DTD1: variants seen among roughly 807,000 people sequenced by gnomAD.
The protein encoded by DTD1 is D-aminoacyl-tRNA deacylase 1, also known as D-tyrosyl-tRNA deacylase 1 homolog.
DTD1 carries 13 observed loss-of-function variants against 25.6 expected under a neutral mutation model. The ratio of observed to expected loss-of-function variants is 0.51; its 90% CI spans 0.33 to 0.81. DTD1 has a LOEUF of 0.81. DTD1 is among the 30% of genes least tolerant of loss of function. The pLI is 0.02. For synonymous variants in DTD1, 110 were observed against 103.6 expected (o/e 1.06, Z -0.37); for missense variants, 193 against 266.4 (o/e 0.72, Z 1.92).
At chr20:18,593,214 G>A (rs979543412) in intron 1 of DTD1, among the ~76,000 whole-genome samples, 3 of 152,038 alleles carry the variant, frequency 2.0e-5, no homozygotes, top group Non-Finnish European at 2.9e-5. Context: ...TACATAAATT[G>A]TGATTTTTAT....
chr20:18,648,420 T>A (rs1167514959), intron 4 of DTD1, among the ~76,000 whole-genome samples: 1 of 152,182 alleles, frequency 6.6e-6, no homozygotes, highest in African/African-American at 2.4e-5. Context: ...ATCTGGGATG[T>A]ACAGCGAGGG....
rs138152084 is a variant in DTD1, at chr20:18,749,329, C to T, written c.*19+5058C>T. Reference sequence around the variant, plus strand: ...GGCCTGTGAGAGTGCTGCTCAGCATCGCCGTGGGGTGGGGAAGGCTCCAGA... The same window carrying T: ...GGCCTGTGAGAGTGCTGCTCAGCATTGCCGTGGGGTGGGGAAGGCTCCAGA... On this transcript the variant is annotated intron_variant, in intron 5 of 5. Coordinates refer to ENST00000377452, the MANE Select transcript of DTD1 (RefSeq NM_080820.6). This position sits in a 1 kb window ranked among gnomAD's most constrained non-coding sequence, Gnocchi z 4.2. 0.019 allele frequency among the ~76,000 whole-genome samples: 2,903 copies of T among 152,238 alleles called. 38 individuals are homozygous for T. The highest frequency in any genetic ancestry group is 0.03 in the Non-Finnish European group (2,034 of 68,006).
chr20:18,625,946 G>A (rs1407829076), intron 3 of DTD1, among the ~76,000 whole-genome samples: 2 of 152,208 alleles, frequency 1.3e-5, no homozygotes, highest in African/African-American at 2.4e-5. Context: ...GCCACACAGG[G>A]CCAGCTCTGG....
Position 18,629,074 on chromosome 20 carries a change from G to A in DTD1, c.477+841G>A, listed in dbSNP as rs569386674. ...CACAATGGCGCCATCTTGGCTCACC[G>A]CAACCTCCGCCTCCTGGGTTCAAGC... is the stretch of plus-strand genomic sequence containing the variant. On this transcript the variant is annotated intron_variant, in intron 4 of 5. Transcript: ENST00000377452. 3.1e-3 allele frequency among the ~76,000 whole-genome samples: 418 copies of A among 135,028 alleles called. 5 individuals carry two copies. Among genetic ancestry groups the A allele is most frequent in the Non-Finnish European group, 2.9e-3 (192 of 65,516 alleles). 88.6% of individuals were successfully genotyped at this position (135,028 alleles called of 152,430 possible).
At chr20:18,661,820 A>G (rs1026012286) in intron 4 of DTD1, among the ~76,000 whole-genome samples, 12 of 152,242 alleles carry the variant, frequency 7.9e-5, no homozygotes, top group Non-Finnish European at 1.6e-4. Flanking sequence ...AAAGGCTGAT[A>G]ACAGGTAATG....
At chr20:18,662,452 A>T (rs561881631) in intron 4 of DTD1, among the ~76,000 whole-genome samples, 79 of 152,312 alleles carry the variant, frequency 5.2e-4, no homozygotes, top group Non-Finnish European at 9.1e-4. Flanking sequence ...TTTGGAAAGC[A>T]GTCAGCAAAT....
chr20:18,609,031 A>G (rs2060675098), intron 3 of DTD1, among the ~76,000 whole-genome samples: 1 of 152,212 alleles, frequency 6.6e-6, no homozygotes, highest in Non-Finnish European at 1.5e-5. Context: ...TAGAAAACAT[A>G]GCCTCCTTTG....
intron 1 of DTD1, among the ~76,000 whole-genome samples, chr20:18,590,204 G>T (rs1205040747): frequency 9.2e-5 from 14 of 152,110 alleles, no homozygotes; most frequent in Admixed American, 9.2e-4. Flanking sequence ...TAGAGATGGG[G>T]TCTTGCTCTG....
intron 3 of DTD1, among the ~76,000 whole-genome samples, chr20:18,596,730 CTTTT>C (rs139465381): frequency 6.8e-6 from 1 of 146,922 alleles, no homozygotes; most frequent in African/African-American, 2.5e-5. Flanking sequence ...TTTACATTCT[CTTTT>C]TTTTTTTTCT....
rs558772126 is a variant in DTD1, at chr20:18,591,955, A to T, written c.44-1776A>T. 2.0e-5 allele frequency among the ~76,000 whole-genome samples: 3 copies of T among 152,340 alleles called. No individual in the cohort carries two copies. In the South Asian group the frequency reaches 6.2e-4, roughly 32 times the overall value. The stretch of plus-strand genomic sequence containing the variant: ...AAAAGCAGCACAGAAGAAAAGATTT[A>T]AAAAATTTTAGCCTAAAAATAAAGA... On this transcript the variant is annotated intron_variant, in intron 1 of 5. Coordinates refer to ENST00000377452, the MANE Select transcript of DTD1 (RefSeq NM_080820.6).
chr20:18,669,757 C>T (rs1014290993), intron 4 of DTD1, among the ~76,000 whole-genome samples: 4 of 152,204 alleles, frequency 2.6e-5, no homozygotes, highest in African/African-American at 7.2e-5. Context: ...ATTCCAATCG[C>T]TCCCGGGGGG....
intron 5 of DTD1, among the ~76,000 whole-genome samples, chr20:18,757,932 A>G (rs1365421424): frequency 6.6e-6 from 1 of 152,198 alleles, no homozygotes; most frequent in Non-Finnish European, 1.5e-5. Flanking sequence ...GCTATTAATT[A>G]TTGCCTCAAT....
rs73900460 is a variant in DTD1 at position 18,626,564 on chromosome 20, A to G, written c.371-1563A>G. ...ACCATAGGAGCCCAGATGTCATTTT[A>G]TAGATATGCTTTTGTGTGAGTGTGT... On this transcript the variant is annotated intron_variant, in intron 3 of 5. Transcript: ENST00000377452. 8.8e-3 allele frequency among the ~76,000 whole-genome samples: 1,338 copies of G among 152,274 alleles called. 19 individuals carry two copies. The highest frequency in any genetic ancestry group is 0.031 in the African/African-American group (1,280 of 41,538).
chr20:18,718,727 A>G (rs2061191263), intron 4 of DTD1, among the ~76,000 whole-genome samples: 1 of 152,240 alleles, frequency 6.6e-6, no homozygotes, highest in Non-Finnish European at 1.5e-5. Flanking sequence ...CTAGGTTCAT[A>G]ACATTCTTAA....
At chr20:18,630,417 T>G (rs187950809) in intron 4 of DTD1, 2 of 152,148 alleles carry the variant, frequency 1.3e-5, no homozygotes, top group African/African-American at 4.8e-5. Flanking sequence ...TGGAGTGCAG[T>G]GGCGCGATCT....
chr20:18,758,313 G>C (rs2061347603), intron 5 of DTD1, among the ~76,000 whole-genome samples: 1 of 152,050 alleles, frequency 6.6e-6, no homozygotes, highest in South Asian at 2.1e-4. Context: ...CCTTCTGCTA[G>C]CTTTTGAATG....
Position 18,744,117 on chromosome 20 carries a change from A to G in DTD1, c.495A>G (p.Lys165=). 2 of 1,609,644 alleles carry G rather than the reference A, an allele frequency of 1.2e-6. No homozygotes were observed. Among genetic ancestry groups the G allele is most frequent in the Middle Eastern group, 2.1e-4 (1 of 4,668 alleles). Reference sequence around the variant, plus strand: ...TTAATCAGCTGTCAAAGCTCGAAAAACAGCAGCAGAGGAAAGAAAAGACCA... The same window carrying G: ...TTAATCAGCTGTCAAAGCTCGAAAAGCAGCAGCAGAGGAAAGAAAAGACCA... ...SDPKQLSKLE[K]QQQRKEKTRA... is the part of the protein sequence containing the mutation. Residue 165 remains lysine (K), a synonymous_variant, in exon 5 of 6, where the codon AAA becomes AAG. Transcript: ENST00000377452.
intron 4 of DTD1, chr20:18,631,587 G>A (rs1600332138): frequency 2.0e-6 from 2 of 985,322 alleles, no homozygotes; most frequent in Non-Finnish European, 2.4e-6. Context: ...GGTTCTCACC[G>A]AGGGCCCCAG....
chr20:18,719,204 C>T (rs1004011683), intron 4 of DTD1, among the ~76,000 whole-genome samples: 2 of 151,526 alleles, frequency 1.3e-5, no homozygotes, highest in African/African-American at 4.9e-5. Flanking sequence ...TGGGGATTGT[C>T]TATTTTTTGT....
Sources: allele counts gnomAD v4.1 joint callset (sites outside exome capture counted in the v4.1 genomes callset), GRCh38; gene constraint gnomAD v4.1.1; non-coding constraint Gnocchi (gnomAD v3.1); transcripts MANE v1.5; gene names NCBI Gene and HGNC (gene_info 2026-07-23, HGNC 2026-07-21).